Variants in MAGI2 observed in about 807,000 individuals in gnomAD.
The protein encoded by MAGI2 is membrane-associated guanylate kinase, WW and PDZ domain-containing protein 2.
In MAGI2, 35 loss-of-function variants were observed where a neutral mutation model predicts 133.3. That is an observed-to-expected ratio of 0.26 (90% CI 0.20 to 0.35). The LOEUF is 0.35. Among genes scored for constraint, MAGI2 ranks in the 10% least tolerant of loss-of-function variants. The pLI, the probability that MAGI2 is intolerant of heterozygous loss-of-function variation, is 1.00. For missense variants in MAGI2, 1,636 were observed against 1,863.4 expected (o/e 0.88, Z 2.25); for synonymous variants, 729 against 710.6 (o/e 1.03, Z -0.41).
intron 1 of MAGI2, among the ~76,000 whole-genome samples, chr7:79,321,461 T>A (rs1839175721): frequency 2.3e-5 from 1 of 43,544 alleles, no homozygotes; most frequent in Non-Finnish European, 5.5e-5. Context: ...CTCAAGTAGA[T>A]CCAACCACGT....
intron 6 of MAGI2, among the ~76,000 whole-genome samples, chr7:78,381,162 C>G (rs1290052779): frequency 6.6e-6 from 1 of 152,140 alleles, no homozygotes; most frequent in African/African-American, 2.4e-5. Context: ...GCCTGGCCAA[C>G]ATGGCGAAAC....
In MAGI2 at chr7:78,501,629, G is replaced by A; in HGVS notation, c.913C>T (p.Pro305Ser). Reference sequence around the variant, plus strand: ...GTATAGGCCATTTCCCAGTTATCAGGCAATGGGTCTGGTTCCTCATTGTCT... The same window carrying A: ...GTATAGGCCATTTCCCAGTTATCAGACAATGGGTCTGGTTCCTCATTGTCT... ...PEDNEEPDPL[P>S]DNWEMAYTEK... Residue 305 changes from proline to serine, a missense_variant, in exon 5 of 22, where the codon CCT becomes TCT. Pro to Ser is a moderately conservative substitution (Grantham distance 74, BLOSUM62 -1). Coordinates refer to ENST00000354212, the MANE Select transcript of MAGI2 (RefSeq NM_012301.4). 1 of 1,614,044 alleles carries A rather than the reference G, an allele frequency of 6.2e-7. No individual in the cohort carries two copies. The highest frequency in any genetic ancestry group is 1.1e-5 in the South Asian group (1 of 91,078).
At position 79,453,266 on chromosome 7, in the gene MAGI2, C is replaced by T. The variant is rs1012141226; in HGVS notation, c.55G>A (p.Val19Ile). The T allele has an allele frequency of 6.2e-7, 1 of 1,614,092 alleles. No individual in the cohort carries two copies. The highest frequency in any genetic ancestry group is 1.3e-5 in the African/African-American group (1 of 75,064). The change falls in exon 1 of 22, where the codon GTC (valine) becomes ATC (isoleucine). Residue 19 changes from valine to isoleucine, a missense_variant. Val to Ile is a conservative substitution (Grantham distance 29). Coordinates refer to ENST00000354212, the MANE Select transcript of MAGI2 (RefSeq NM_012301.4). ...SHWTSKVHES[V>I]IGRNPEGQLG... ...TGGCCCTCCGGGTTCCTGCCAATGA[C>T]ACTCTCATGGACTTTGCTAGTCCAG... is the stretch of plus-strand genomic sequence containing the variant.
intron 9 of MAGI2, among the ~76,000 whole-genome samples, chr7:78,313,743 C>A (rs1798922706): frequency 6.6e-6 from 1 of 151,932 alleles, no homozygotes; most frequent in Non-Finnish European, 1.5e-5. Flanking sequence ...ACTATATCTG[C>A]TAAGCAACAT....
intron 9 of MAGI2, among the ~76,000 whole-genome samples, chr7:78,261,862 T>C (rs1446801615): frequency 6.6e-6 from 1 of 152,190 alleles, no homozygotes; most frequent in East Asian, 1.9e-4. Flanking sequence ...ACATCTATTC[T>C]GAGTCTACTC....
intron 2 of MAGI2, among the ~76,000 whole-genome samples, chr7:78,746,648 C>T (rs138727497): frequency 1.4e-3 from 213 of 152,300 alleles, no homozygotes; most frequent in East Asian, 0.011. Context: ...TAGCTGTCTC[C>T]TCATCATTTG....
intron 1 of MAGI2, among the ~76,000 whole-genome samples, chr7:79,243,834 A>G (rs1217175321): frequency 1.3e-5 from 2 of 152,230 alleles, no homozygotes; most frequent in Non-Finnish European, 2.9e-5. Flanking sequence ...AAACTCTGTT[A>G]GATAATAGAA....
At position 78,463,032 on chromosome 7, in the gene MAGI2, G is replaced by A. The variant is rs1214394824; in HGVS notation, c.1045+26729C>T. Among the ~76,000 whole-genome samples, 12 of 152,310 alleles carry A rather than the reference G, an allele frequency of 7.9e-5. No individual in the cohort carries two copies. In the East Asian group the frequency reaches 2.1e-3, roughly 27 times the overall value. On this transcript the variant is annotated intron_variant, in intron 6 of 21. Transcript: ENST00000354212. The stretch of plus-strand genomic sequence containing the variant: ...AGTGTAGACTACTCAGAGGGCTATG[G>A]CTAGAGTTAAATGGCAGCTTATAAA...
At chr7:79,205,632 A>C (rs1418665171) in intron 1 of MAGI2, among the ~76,000 whole-genome samples, 1 of 151,904 alleles carries the variant, frequency 6.6e-6, no homozygotes, top group Non-Finnish European at 1.5e-5. Flanking sequence ...TCTAAGACTG[A>C]AAAACAAAAC....
intron 5 of MAGI2, among the ~76,000 whole-genome samples, chr7:78,496,393 T>C (rs1177674541): frequency 6.6e-6 from 1 of 152,160 alleles, no homozygotes; most frequent in Non-Finnish European, 1.5e-5. Flanking sequence ...GCCAAAGCAA[T>C]AGCAGTCTCT....
At chr7:78,338,174 T>C (rs563947064) in intron 9 of MAGI2, among the ~76,000 whole-genome samples, 51 of 152,340 alleles carry the variant, frequency 3.3e-4, no homozygotes, top group South Asian at 1.7e-3. Context: ...TAGTTCATCT[T>C]TACCACTTAT....
chr7:79,021,629 T>C (rs1464156206), intron 1 of MAGI2, among the ~76,000 whole-genome samples: 3 of 152,346 alleles, frequency 2.0e-5, no homozygotes, highest in South Asian at 4.1e-4. Context: ...TATATCACCA[T>C]TGTATCTAGG....
At chr7:79,378,926 G>GTGTGTATATATA (rs1158436636) in intron 1 of MAGI2, among the ~76,000 whole-genome samples, 2 of 94,594 alleles carry the variant, frequency 2.1e-5, no homozygotes, top group African/African-American at 7.2e-5. Context: ...ATGTGTGTGT[G>GTGTGTATATATA]TATATATATA....
At chr7:78,864,075 T>C (rs1794361109) in intron 2 of MAGI2, among the ~76,000 whole-genome samples, 3 of 152,226 alleles carry the variant, frequency 2.0e-5, no homozygotes, top group Admixed American at 6.5e-5. Flanking sequence ...TAATTTCAGT[T>C]ACACAATATA....
chr7:78,529,388 T>C (rs1348116999), intron 3 of MAGI2, among the ~76,000 whole-genome samples: 5 of 152,170 alleles, frequency 3.3e-5, no homozygotes, highest in Admixed American at 2.6e-4. Context: ...GCTCAGAACA[T>C]TTCCCACCTG....
At chr7:78,962,532 T>A (rs1802933118) in intron 2 of MAGI2, among the ~76,000 whole-genome samples, 1 of 150,714 alleles carries the variant, frequency 6.6e-6, no homozygotes, top group Admixed American at 6.6e-5. Flanking sequence ...TCTTCCCAGA[T>A]AGGTACATGC....
chr7:78,266,289 C>T (rs954250629), intron 9 of MAGI2, among the ~76,000 whole-genome samples: 1 of 152,114 alleles, frequency 6.6e-6, no homozygotes, highest in African/African-American at 2.4e-5. Flanking sequence ...CAGTCTTGAC[C>T]TTCAGGGTTC....
intron 6 of MAGI2, among the ~76,000 whole-genome samples, chr7:78,471,182 T>C (rs1791168946): frequency 6.6e-6 from 1 of 152,190 alleles, no homozygotes; most frequent in African/African-American, 2.4e-5. Flanking sequence ...ATACCATCTG[T>C]TGATCTTTTA....
At chr7:78,880,420 T>C (rs1795756092) in intron 2 of MAGI2, among the ~76,000 whole-genome samples, 1 of 152,088 alleles carries the variant, frequency 6.6e-6, no homozygotes, top group African/African-American at 2.4e-5. Context: ...GGGGCCTATT[T>C]TCAGCATTAT....
Sources: allele counts gnomAD v4.1 joint callset (sites outside exome capture counted in the v4.1 genomes callset), GRCh38; gene constraint gnomAD v4.1.1; transcripts MANE v1.5; gene names NCBI Gene and HGNC (gene_info 2026-07-23, HGNC 2026-07-21).